The following SORBS2 variants were observed in gnomAD, a reference collection of about 807,000 sequenced individuals.
SORBS2 encodes sorbin and SH3 domain containing 2.
Under a neutral mutation model 97.7 loss-of-function variants are expected in SORBS2, and 46 were observed. The observed-to-expected ratio is 0.47, with a 90% CI of 0.37 to 0.60. The LOEUF (loss-of-function observed/expected upper bound fraction) is 0.60. Among genes scored for constraint, SORBS2 ranks in the 20% least tolerant of loss-of-function variants. SORBS2 has a pLI of 0.00. For missense variants in SORBS2, 1,316 were observed against 1,282.3 expected (o/e 1.03, Z -0.40); for synonymous variants, 476 against 473.4 (o/e 1.01, Z -0.07).
chr4:185,739,636 A>G (rs909053281), intron 2 of SORBS2, among the ~76,000 whole-genome samples: 3 of 152,140 alleles, frequency 2.0e-5, no homozygotes, highest in African/African-American at 7.2e-5. Flanking sequence ...GGTTCCCTCT[A>G]AGCTTCTTGG....
intron 1 of SORBS2, among the ~76,000 whole-genome samples, chr4:185,886,517 T>C (rs942270779): frequency 5.5e-5 from 7 of 126,490 alleles, no homozygotes; most frequent in Non-Finnish European, 9.3e-5. Context: ...ATCATACCAC[T>C]GCACTCCAGC....
At chr4:185,604,293 T>C (rs924047928) in intron 12 of SORBS2, among the ~76,000 whole-genome samples, 1 of 152,228 alleles carries the variant, frequency 6.6e-6, no homozygotes, top group African/African-American at 2.4e-5. Context: ...TACATCTTAC[T>C]AATTAAGCTC....
intron 1 of SORBS2, among the ~76,000 whole-genome samples, chr4:185,653,053 G>A (rs777565274): frequency 8.5e-5 from 13 of 152,274 alleles, no homozygotes; most frequent in Middle Eastern, 6.8e-3. Flanking sequence ...GTAAGTTATT[G>A]TTGTACTAAT....
chr4:185,640,737 G>A (rs1043113721), intron 4 of SORBS2, among the ~76,000 whole-genome samples: 16 of 151,982 alleles, frequency 1.1e-4, no homozygotes, highest in Middle Eastern at 3.2e-3. Context: ...ATAATTGTTC[G>A]TGAAATGGCT....
intron 2 of SORBS2, among the ~76,000 whole-genome samples, chr4:185,729,355 G>A (rs1428375515): frequency 6.6e-6 from 1 of 152,150 alleles, no homozygotes; most frequent in East Asian, 1.9e-4. Context: ...CGGTTTCAGA[G>A]GACTGCCCTG....
intron 11 of SORBS2, among the ~76,000 whole-genome samples, chr4:185,613,646 C>CAAAAAAAAAAA (rs35723770): frequency 1.2e-5 from 1 of 85,818 alleles, no homozygotes; most frequent in Non-Finnish European, 2.2e-5. Context: ...CACTCCATCT[C>CAAAAAAAAAAA]AAAAAAAAAA....
chr4:185,786,986 A>AT (rs2153640908), intron 1 of SORBS2, among the ~76,000 whole-genome samples: 1 of 150,868 alleles, frequency 6.6e-6, no homozygotes, highest in African/African-American at 2.4e-5. Context: ...GTCTCAAAAA[A>AT]AAAAAAAAAT....
intron 2 of SORBS2, among the ~76,000 whole-genome samples, chr4:185,738,579 A>G (rs534983366): frequency 3.3e-5 from 5 of 152,306 alleles, no homozygotes; most frequent in Admixed American, 3.3e-4. Context: ...TTTTTCCCAT[A>G]TCTGGTCACA....
intron 1 of SORBS2, among the ~76,000 whole-genome samples, chr4:185,868,363 A>T (rs899269912): frequency 2.0e-5 from 3 of 151,386 alleles, no homozygotes; most frequent in Non-Finnish European, 2.9e-5. Flanking sequence ...TCACTATGTT[A>T]GCCAGGATGG....
At chr4:185,906,484 T>C (rs2149850959) in intron 1 of SORBS2, among the ~76,000 whole-genome samples, 1 of 152,362 alleles carries the variant, frequency 6.6e-6, no homozygotes, top group South Asian at 2.1e-4. Context: ...ATACTTAAGA[T>C]ATTTGGGTCA....
chr4:185,611,062 G>T (rs1215960207), intron 12 of SORBS2, among the ~76,000 whole-genome samples: 1 of 152,058 alleles, frequency 6.6e-6, no homozygotes, highest in East Asian at 1.9e-4. Flanking sequence ...TATTGAGAAA[G>T]ATAATCATCT....
chr4:185,718,911 G>C (rs1256103734), intron 2 of SORBS2, among the ~76,000 whole-genome samples: 1 of 152,174 alleles, frequency 6.6e-6, no homozygotes, highest in Non-Finnish European at 1.5e-5. Context: ...TTTCTTTGCA[G>C]GTTTGCTCTA....
At chr4:185,602,536 T>C (rs2096287068) in intron 12 of SORBS2, among the ~76,000 whole-genome samples, 5 of 152,224 alleles carry the variant, frequency 3.3e-5, no homozygotes, top group Admixed American at 3.3e-4. Context: ...AGAATGAAAT[T>C]GCACTGACTT....
At chr4:185,938,001 A>G (rs2099269803) in intron 1 of SORBS2, among the ~76,000 whole-genome samples, 1 of 142,622 alleles carries the variant, frequency 7.0e-6, no homozygotes, top group East Asian at 2.1e-4. Flanking sequence ...GTTTTAGAGA[A>G]ATCATTCTTT....
intron 2 of SORBS2, chr4:185,770,936 A>ATTTT (rs937282570): frequency 8.5e-6 from 1 of 118,176 alleles, no homozygotes; most frequent in East Asian, 2.6e-4. Context: ...TCAATTTTTA[A>ATTTT]TTTTTTTTTA....
intron 1 of SORBS2, among the ~76,000 whole-genome samples, chr4:185,819,528 C>T (rs998922629): frequency 5.9e-5 from 9 of 152,352 alleles, no homozygotes; most frequent in Non-Finnish European, 1.3e-4. Flanking sequence ...CCCAGGTAAA[C>T]CAGTGTTCTA....
intron 1 of SORBS2, among the ~76,000 whole-genome samples, chr4:185,792,877 TC>T (rs1467282455): frequency 2.6e-5 from 4 of 152,232 alleles, no homozygotes; most frequent in Non-Finnish European, 5.9e-5. Flanking sequence ...TGTGGCCGAC[TC>T]AAGCTGGAAT....
chr4:185,813,922 A>G (rs2099191388), intron 1 of SORBS2, among the ~76,000 whole-genome samples: 1 of 152,118 alleles, frequency 6.6e-6, no homozygotes, highest in Non-Finnish European at 1.5e-5. Context: ...CTGGAAGCCA[A>G]TCTGGTCCAT....
chr4:185,953,205 TA>T, intron 1 of SORBS2, among the ~76,000 whole-genome samples: 1 of 152,294 alleles, frequency 6.6e-6, no homozygotes, highest in Non-Finnish European at 1.5e-5. Context: ...TCCCAGCTAC[TA>T]GGGAGGCTGA....
Sources: allele counts gnomAD v4.1 joint callset (sites outside exome capture counted in the v4.1 genomes callset), GRCh38; gene constraint gnomAD v4.1.1; transcripts MANE v1.5; gene names NCBI Gene and HGNC (gene_info 2026-07-23, HGNC 2026-07-21).